The following LUZP2 variants were observed in gnomAD, a reference collection of about 807,000 sequenced individuals.
LUZP2 encodes leucine zipper protein 2.
Under a neutral mutation model 51.6 loss-of-function variants are expected in LUZP2, and 52 were observed. The ratio of observed to expected loss-of-function variants is 1.01; its 90% CI spans 0.81 to 1.27. The LOEUF is 1.27. Ranked by LOEUF, LUZP2 falls within the 50% of genes most tolerant of loss-of-function variation. The pLI is 0.00. For synonymous variants in LUZP2, 154 were observed against 137.3 expected, an observed-to-expected ratio of 1.12 and a Z score of -0.85; for missense variants, 436 against 395.4, an observed-to-expected ratio of 1.10 and a Z score of -0.87.
chr11:24,547,228 C>T (rs948588911), intron 1 of LUZP2, among the ~76,000 whole-genome samples: 16 of 151,524 alleles, frequency 1.1e-4, no homozygotes, highest in African/African-American at 3.9e-4. Flanking sequence ...TCCTAAAATT[C>T]ACGTGGAACT....
At chr11:24,694,909 G>A (rs1230545665) in intron 1 of LUZP2, among the ~76,000 whole-genome samples, 1 of 151,470 alleles carries the variant, frequency 6.6e-6, no homozygotes, top group East Asian at 1.9e-4. Flanking sequence ...ATCACACATT[G>A]GGGCCTATCA....
chr11:24,934,084 T>C (rs1042944756), intron 7 of LUZP2, among the ~76,000 whole-genome samples: 13 of 152,228 alleles, frequency 8.5e-5, no homozygotes, highest in African/African-American at 2.9e-4. Flanking sequence ...AGGGAAGGTG[T>C]ATTGTCACAA....
chr11:24,738,840 C>T (rs1194050384), intron 4 of LUZP2, among the ~76,000 whole-genome samples: 1 of 152,040 alleles, frequency 6.6e-6, no homozygotes, highest in South Asian at 2.1e-4. Flanking sequence ...CTTGACCCCA[C>T]CGTTTCAGCT....
intron 1 of LUZP2, among the ~76,000 whole-genome samples, chr11:24,650,921 T>G (rs1590295299): frequency 2.0e-5 from 3 of 152,056 alleles, no homozygotes; most frequent in African/African-American, 7.2e-5. Flanking sequence ...ATTTCTTCAT[T>G]TCTTACAAAA....
intron 9 of LUZP2, among the ~76,000 whole-genome samples, chr11:25,039,823 A>G (rs1041472833): frequency 1.3e-5 from 2 of 152,178 alleles, no homozygotes; most frequent in Admixed American, 6.5e-5. Flanking sequence ...ATTCCCTGAG[A>G]AGAGAGAGGC....
At chr11:24,862,524 C>T (rs1337181375) in intron 5 of LUZP2, among the ~76,000 whole-genome samples, 1 of 152,136 alleles carries the variant, frequency 6.6e-6, no homozygotes, top group Non-Finnish European at 1.5e-5. Context: ...GGATCAAATT[C>T]ACACATAACA....
chr11:24,583,124 T>C (rs79013451), intron 1 of LUZP2, among the ~76,000 whole-genome samples: 2,910 of 152,278 alleles, frequency 0.019, 46 homozygotes, highest in Middle Eastern at 0.027. Context: ...TGTAATGATT[T>C]ACATATAATC....
chr11:24,958,810 A>G (rs377719992), intron 7 of LUZP2, among the ~76,000 whole-genome samples: 1 of 152,124 alleles, frequency 6.6e-6, no homozygotes, highest in Non-Finnish European at 1.5e-5. Context: ...TTGGTGTTTT[A>G]GACATGAAGT....
intron 4 of LUZP2, chr11:24,751,656 G>GCCATCAT: frequency 1.5e-6 from 1 of 685,714 alleles, no homozygotes; most frequent in Non-Finnish European, 1.8e-6. Flanking sequence ...CAGGACAGCA[G>GCCATCAT]CCATCATTGG....
At chr11:25,050,291 CTTTTTTTTT>C (rs71044331) in intron 10 of LUZP2, among the ~76,000 whole-genome samples, 161 bp downstream of exon 10, 12 of 77,160 alleles carry the variant, frequency 1.6e-4, no homozygotes, top group Admixed American at 3.4e-4. Context: ...TCTTTATGTT[CTTTTTTTTT>C]TTTTTTTTTT....
At chr11:24,533,143 G>A (rs903466567) in intron 1 of LUZP2, among the ~76,000 whole-genome samples, 4 of 151,116 alleles carry the variant, frequency 2.6e-5, no homozygotes, top group Non-Finnish European at 5.9e-5. Context: ...ATTTTCTCCT[G>A]TCTGTGAATT....
At chr11:24,552,175 A>C (rs1341610832) in intron 1 of LUZP2, among the ~76,000 whole-genome samples, 2 of 152,162 alleles carry the variant, frequency 1.3e-5, no homozygotes, top group Non-Finnish European at 2.9e-5. Flanking sequence ...TCAGTATCTT[A>C]AATAATATAT....
At chr11:24,658,612 G>T (rs1479602384) in intron 1 of LUZP2, among the ~76,000 whole-genome samples, 3 of 152,082 alleles carry the variant, frequency 2.0e-5, no homozygotes, top group Non-Finnish European at 2.9e-5. Flanking sequence ...CACAGCAAAA[G>T]AAACTACCAT....
intron 4 of LUZP2, among the ~76,000 whole-genome samples, chr11:24,743,586 T>G (rs1453498095): frequency 6.6e-6 from 1 of 152,132 alleles, no homozygotes; most frequent in Non-Finnish European, 1.5e-5. Context: ...TAGGAGCTTT[T>G]CAGAGGAGTC....
chr11:24,729,752 T>A (rs919186187), intron 2 of LUZP2, among the ~76,000 whole-genome samples: 2 of 151,900 alleles, frequency 1.3e-5, no homozygotes, highest in Non-Finnish European at 2.9e-5. Flanking sequence ...CTTTAAAAAA[T>A]TCTACATAGG....
intron 1 of LUZP2, among the ~76,000 whole-genome samples, chr11:24,645,052 T>C (rs1456542914): frequency 1.3e-5 from 2 of 152,220 alleles, no homozygotes; most frequent in Non-Finnish European, 2.9e-5. Flanking sequence ...AATTTAAATG[T>C]TTATTTTACA....
At chr11:24,932,602 C>G (rs1854485668) in intron 7 of LUZP2, among the ~76,000 whole-genome samples, 1 of 152,134 alleles carries the variant, frequency 6.6e-6, no homozygotes, top group South Asian at 2.1e-4. Flanking sequence ...GTGAAACCAG[C>G]CTCACCCAGC....
chr11:24,699,021 C>G (rs540503591), intron 1 of LUZP2, among the ~76,000 whole-genome samples: 1 of 151,756 alleles, frequency 6.6e-6, no homozygotes, highest in Non-Finnish European at 1.5e-5. Context: ...TGCCCCATTG[C>G]ACTCTATCCT....
chr11:24,598,644 C>A (rs920172601), intron 1 of LUZP2, among the ~76,000 whole-genome samples: 8 of 151,826 alleles, frequency 5.3e-5, no homozygotes, highest in African/African-American at 1.9e-4. Flanking sequence ...TAATCATATC[C>A]CGAGAAAAGA....
Sources: gnomAD v4.1 joint callset for allele counts (sites outside exome capture counted in the v4.1 genomes callset) on GRCh38, gnomAD v4.1.1 for gene constraint, MANE v1.5 for transcripts, NCBI Gene and HGNC (gene_info 2026-07-23, HGNC 2026-07-21) for gene names.